The following GALNT10 variants were observed in gnomAD, a reference collection of about 807,000 sequenced individuals.
The protein encoded by GALNT10 is GalNAc transferase 10.
GALNT10 carries 41 observed loss-of-function variants against 75.0 expected under a neutral mutation model. That is an observed-to-expected ratio of 0.55 (90% CI 0.43 to 0.71). The LOEUF (loss-of-function observed/expected upper bound fraction) is 0.71. Among genes scored for constraint, GALNT10 ranks in the 30% least tolerant of loss-of-function variants. The probability of loss-of-function intolerance (pLI) is 0.00; values close to 1 mark genes in which losing one functional copy is unlikely to be tolerated. For synonymous variants in GALNT10, 302 were observed against 313.0 expected, an observed-to-expected ratio of 0.96 and a Z score of 0.37; for missense variants, 727 against 818.5, an observed-to-expected ratio of 0.89 and a Z score of 1.36.
At chr5:154,370,681 CTG>C (rs1320047250) in intron 4 of GALNT10, among the ~76,000 whole-genome samples, 1 of 152,186 alleles carries the variant, frequency 6.6e-6, no homozygotes, top group African/African-American at 2.4e-5. Flanking sequence ...CAGAGACTGA[CTG>C]TGCACACCTT....
intron 4 of GALNT10, among the ~76,000 whole-genome samples, chr5:154,358,375 G>C (rs1396249149): frequency 6.6e-6 from 1 of 152,112 alleles, no homozygotes; most frequent in African/African-American, 2.4e-5. Context: ...TGTAAATGTT[G>C]GTCTGTCTCA....
chr5:154,268,690 A>C (rs1416166070), intron 1 of GALNT10, among the ~76,000 whole-genome samples: 7 of 152,256 alleles, frequency 4.6e-5, no homozygotes, highest in Non-Finnish European at 1.0e-4. Flanking sequence ...AACAGATCAA[A>C]CCTGAATTAT....
At chr5:154,337,526 G>GT in intron 4 of GALNT10, 1 of 742,952 alleles carries the variant, frequency 1.3e-6, no homozygotes, top group Non-Finnish European at 2.5e-6. Flanking sequence ...AGGCACCTTG[G>GT]TTTCATGGTT....
chr5:154,367,203 A>G (rs1755489276), intron 4 of GALNT10, among the ~76,000 whole-genome samples: 1 of 152,226 alleles, frequency 6.6e-6, no homozygotes, highest in African/African-American at 2.4e-5. Flanking sequence ...TGTAAAATGT[A>G]TTTCTTTCTA....
Position 154,416,916 on chromosome 5 carries a change from C to A in GALNT10, c.1756C>A (p.Gln586Lys), listed in dbSNP as rs749688970. ...CTGCAACCCATCCTCTCTCACCCAG[C>A]AGTGGCTGTTTGAACACACCAACTC... Reference protein sequence around the residue: ...NTCNPSSLTQQWLFEHTNSTV... With the variant: ...NTCNPSSLTQKWLFEHTNSTV... The change falls in exon 12 of 12, where the codon CAG (glutamine) becomes AAG (lysine). Residue 586 changes from glutamine (Q) to lysine (K), a missense_variant. Transcript: ENST00000297107. The surrounding 1 kb of genome is among the most constrained non-coding windows in gnomAD (Gnocchi z 4.5). 3.1e-6 allele frequency: 5 copies of A among 1,613,972 alleles called. No individual in the cohort carries two copies. The highest frequency in any genetic ancestry group is 2.2e-5 in the South Asian group (2 of 91,078).
intron 1 of GALNT10, among the ~76,000 whole-genome samples, chr5:154,245,251 A>G (rs537750602): frequency 6.6e-6 from 1 of 152,300 alleles, no homozygotes; most frequent in African/African-American, 2.4e-5. Context: ...AGAAGAGTCC[A>G]AGAGGTGGAG....
At chr5:154,382,791 C>A (rs1367248656) in intron 6 of GALNT10, among the ~76,000 whole-genome samples, 2 of 152,194 alleles carry the variant, frequency 1.3e-5, no homozygotes, top group Admixed American at 6.5e-5. Context: ...TACTTAAGGA[C>A]AGGTCTTGGC....
chr5:154,349,007 C>T (rs1000055865), intron 4 of GALNT10, among the ~76,000 whole-genome samples: 16 of 151,826 alleles, frequency 1.1e-4, no homozygotes, highest in Admixed American at 4.6e-4. Context: ...ATCTAAAGTA[C>T]GGGTTAAATA....
intron 7 of GALNT10, 182 bp downstream of exon 7, chr5:154,386,612 T>TGGGGGGGG: frequency 6.7e-6 from 2 of 297,492 alleles, no homozygotes; most frequent in Non-Finnish European, 1.3e-5. Flanking sequence ...GGTGGGGGGG[T>TGGGGGGGG]GTGGGAGGGA....
chr5:154,238,839 C>T (rs1387207555), intron 1 of GALNT10, among the ~76,000 whole-genome samples: 1 of 152,182 alleles, frequency 6.6e-6, no homozygotes, highest in Non-Finnish European at 1.5e-5. Flanking sequence ...AAAAGTATAT[C>T]CTTCATAATA....
chr5:154,352,527 T>G lies in GALNT10; in HGVS notation c.568+22789T>G, dbSNP rs1755226663. ...TGAAAACCCTGCAGCTGGGAGAGGTTAAGTAATTGGCCCAAGATCGCACAG... is the reference window on the plus strand; with the variant it reads ...TGAAAACCCTGCAGCTGGGAGAGGTGAAGTAATTGGCCCAAGATCGCACAG... On this transcript the variant is annotated intron_variant, in intron 4 of 11. Coordinates refer to ENST00000297107, the MANE Select transcript of GALNT10 (RefSeq NM_198321.4). The surrounding 1 kb of genome is among the most constrained non-coding windows in gnomAD (Gnocchi z 4.4). Among the ~76,000 whole-genome samples, 1 of 152,166 alleles carries G rather than the reference T, an allele frequency of 6.6e-6. No individual in the cohort carries two copies. The highest frequency in any genetic ancestry group is 6.5e-5 in the Admixed American group (1 of 15,284).
intron 1 of GALNT10, among the ~76,000 whole-genome samples, chr5:154,212,982 A>G (rs1328258984): frequency 2.0e-5 from 3 of 151,886 alleles, no homozygotes; most frequent in African/African-American, 7.3e-5. Context: ...AAAAAAAAAA[A>G]AGATCACAGG....
Position 154,380,554 on chromosome 5 carries a change from C to T in GALNT10, c.861C>T (p.Ala287=), listed in dbSNP as rs764106928. 1.2e-6 allele frequency: 2 copies of T among 1,613,888 alleles called. No homozygotes were observed. The highest frequency in any genetic ancestry group is 1.7e-6 in the Non-Finnish European group (2 of 1,179,796). The stretch of plus-strand genomic sequence containing the variant: ...AGGCAGGGGATGCCATGCGGGGAGC[C>T]TTTGACTGGGAGATGTACTACAAGC... ...ETQAGDAMRG[A]FDWEMYYKRI... is the part of the protein sequence containing the mutation. The change falls in exon 6 of 12, where the codon GCC becomes GCT. Residue 287 remains alanine (A), a synonymous_variant. Transcript: ENST00000297107.
rs70978542 is a variant in GALNT10 at position 154,416,480 on chromosome 5, T to TACACAC, written c.1654-301_1654-296dup. 0.1 allele frequency among the ~76,000 whole-genome samples: 14,368 copies of TACACAC among 141,762 alleles called. 1,246 individuals carry two copies. Among genetic ancestry groups the TACACAC allele is most frequent in the East Asian group, 0.23 (1,092 of 4,806 alleles). 93.0% of individuals were successfully genotyped at this position (141,762 alleles called of 152,430 possible). ...AAATAAAAGATAAAAGGAAAGCACATACACACACACACACACACACACACA... is the reference window on the plus strand; with the variant it reads ...AAATAAAAGATAAAAGGAAAGCACATACACACACACACACACACACACACACACACA... On this transcript the variant is annotated intron_variant, in intron 11 of 11. Coordinates refer to ENST00000297107, the MANE Select transcript of GALNT10 (RefSeq NM_198321.4). The surrounding 1 kb of genome is among the most constrained non-coding windows in gnomAD (Gnocchi z 4.5).
chr5:154,202,649 G>A (rs1297195661), intron 1 of GALNT10, among the ~76,000 whole-genome samples: 1 of 152,216 alleles, frequency 6.6e-6, no homozygotes, highest in Admixed American at 6.5e-5. Context: ...ACTCCTCTGG[G>A]CAAGTCTTTT....
chr5:154,342,651 C>G (rs558521905), intron 4 of GALNT10, among the ~76,000 whole-genome samples: 6 of 152,220 alleles, frequency 3.9e-5, no homozygotes, highest in African/African-American at 1.4e-4. Flanking sequence ...TACCCTGGGT[C>G]AGCAAAAACG....
chr5:154,350,224 G>A (rs1231480154), intron 4 of GALNT10, among the ~76,000 whole-genome samples: 1 of 152,118 alleles, frequency 6.6e-6, no homozygotes, highest in Non-Finnish European at 1.5e-5. Context: ...TAGAACTGGA[G>A]ACACTGAGAA....
At chr5:154,307,241 G>A (rs1754447442) in intron 3 of GALNT10, among the ~76,000 whole-genome samples, 1 of 152,228 alleles carries the variant, frequency 6.6e-6, no homozygotes, top group African/African-American at 2.4e-5. Flanking sequence ...GAGATTGACA[G>A]TGTAGTTAAG....
intron 5 of GALNT10, among the ~76,000 whole-genome samples, chr5:154,378,699 G>C (rs114452287): frequency 6.6e-6 from 1 of 152,190 alleles, no homozygotes; most frequent in Non-Finnish European, 1.5e-5. Context: ...TCTTATCGAA[G>C]ATTATACTGC....
Sources: allele counts gnomAD v4.1 joint callset (sites outside exome capture counted in the v4.1 genomes callset), GRCh38; gene constraint gnomAD v4.1.1; non-coding constraint Gnocchi (gnomAD v3.1); transcripts MANE v1.5; gene names NCBI Gene and HGNC (gene_info 2026-07-23, HGNC 2026-07-21).